SLC24A2: variants seen among roughly 807,000 people sequenced by gnomAD.
The protein encoded by SLC24A2 is solute carrier family 24 member 2.
In SLC24A2, 36 loss-of-function variants were observed where a neutral mutation model predicts 62.0. That is an observed-to-expected ratio of 0.58 (90% CI 0.44 to 0.77). SLC24A2 has a LOEUF of 0.77. SLC24A2 is among the 30% of genes least tolerant of loss of function. SLC24A2 has a pLI of 0.00. For missense variants in SLC24A2, 846 were observed against 817.9 expected, an observed-to-expected ratio of 1.03 and a Z score of -0.42; for synonymous variants, 358 against 294.0, an observed-to-expected ratio of 1.22 and a Z score of -2.23.
chr9:19,831,598 T>A, the SLC24A2 span, among the ~76,000 whole-genome samples: 228 of 152,320 alleles, frequency 1.5e-3, 2 homozygotes, highest in South Asian at 5.0e-3. Flanking sequence ...CACTGCTTCA[T>A]AGGTTTTTTA....
At chr9:20,131,048 A>G in the SLC24A2 span, among the ~76,000 whole-genome samples, 5 of 151,418 alleles carry the variant, frequency 3.3e-5, no homozygotes, top group East Asian at 5.8e-4. Context: ...GATTTCTTCT[A>G]TTTTCAAGAA....
chr9:19,758,627 G>C (rs1822219013), intron 2 of SLC24A2, among the ~76,000 whole-genome samples: 1 of 152,150 alleles, frequency 6.6e-6, no homozygotes, highest in South Asian at 2.1e-4. Context: ...TCCTTCTTTT[G>C]AAAGAACCAT....
the SLC24A2 span, among the ~76,000 whole-genome samples, chr9:20,255,665 T>C: frequency 6.6e-6 from 1 of 152,132 alleles, no homozygotes; most frequent in Non-Finnish European, 1.5e-5. Context: ...GAGTGGAAAC[T>C]AAGAAACAGC....
the SLC24A2 span, among the ~76,000 whole-genome samples, chr9:20,081,142 G>C: frequency 1.3e-5 from 2 of 152,098 alleles, no homozygotes; most frequent in Non-Finnish European, 2.9e-5. Context: ...AAACCCAAAG[G>C]ATTATAAATC....
the SLC24A2 span, among the ~76,000 whole-genome samples, chr9:20,135,426 C>G: frequency 6.6e-6 from 1 of 151,532 alleles, no homozygotes; most frequent in South Asian, 2.1e-4. Flanking sequence ...AGCCAGATGT[C>G]AGTTCCAATC....
At chr9:20,225,492 T>A in the SLC24A2 span, among the ~76,000 whole-genome samples, 17 of 138,936 alleles carry the variant, frequency 1.2e-4, no homozygotes, top group Non-Finnish European at 3.1e-5. Context: ...GTGAAAAAAT[T>A]CAACTTTATT....
chr9:20,074,635 G>A, the SLC24A2 span, among the ~76,000 whole-genome samples: 1 of 112,094 alleles, frequency 8.9e-6, no homozygotes, highest in Admixed American at 1.0e-4. Flanking sequence ...GGGAGGGAGG[G>A]ACGGGAAGGG....
the SLC24A2 span, among the ~76,000 whole-genome samples, chr9:19,984,661 A>T: frequency 6.6e-6 from 1 of 152,108 alleles, no homozygotes; most frequent in East Asian, 1.9e-4. Context: ...AGCTGAGATC[A>T]TGCCACTACA....
rs184959895 is a variant in SLC24A2 at position 19,692,061 on chromosome 9, G to C, written c.931-69762C>G. ...TTGTTACCTCCTGTCTTCAGAAAGG[G>C]CTAAAGAATGACCAAGGAGTTCACT... is the stretch of plus-strand genomic sequence containing the variant. On this transcript the variant is annotated intron_variant, in intron 2 of 10. Coordinates refer to ENST00000341998, the MANE Select transcript of SLC24A2 (RefSeq NM_020344.4). Among the ~76,000 whole-genome samples the C allele has an allele frequency of 3.7e-3, 563 of 152,246 alleles. 5 individuals are homozygous for C. The highest frequency in any genetic ancestry group is 6.0e-3 in the Non-Finnish European group (411 of 67,994).
chr9:19,533,790 T>A (rs1442400444), intron 8 of SLC24A2, among the ~76,000 whole-genome samples: 1 of 152,230 alleles, frequency 6.6e-6, no homozygotes, highest in African/African-American at 2.4e-5. Context: ...GGGTGGTATG[T>A]TACAAAGCAA....
chr9:20,019,083 G>GAA, the SLC24A2 span, among the ~76,000 whole-genome samples: 4 of 106,072 alleles, frequency 3.8e-5, no homozygotes, highest in African/African-American at 1.4e-4. Context: ...CAGAGAAAGA[G>GAA]AGAAAGAAAG....
intron 7 of SLC24A2, among the ~76,000 whole-genome samples, chr9:19,557,478 T>C (rs998495841): frequency 1.3e-5 from 2 of 152,224 alleles, no homozygotes; most frequent in Admixed American, 1.3e-4. Context: ...TTTATCTGAA[T>C]AGCTTGTTTA....
chr9:19,831,768 C>T, the SLC24A2 span, among the ~76,000 whole-genome samples: 2 of 152,178 alleles, frequency 1.3e-5, no homozygotes, highest in Non-Finnish European at 2.9e-5. Flanking sequence ...TATTTTCCTT[C>T]TGAAACAATG....
chr9:19,577,034 G>T lies in SLC24A2; in HGVS notation c.1130-12C>A. ...TTCTCTGAACCTCCCTGAAGCAAAA[G>T]AAAGTGGCAGGAAGGAGACACAATG... On this transcript the variant is annotated splice_polypyrimidine_tract_variant and intron_variant, in intron 5 of 10. Transcript: ENST00000341998. The T allele has an allele frequency of 6.2e-7, 1 of 1,607,556 alleles. No homozygotes were observed. The highest frequency in any genetic ancestry group is 8.5e-7 in the Non-Finnish European group (1 of 1,173,950).
chr9:19,833,194 G>A, the SLC24A2 span, among the ~76,000 whole-genome samples: 4 of 152,150 alleles, frequency 2.6e-5, no homozygotes, highest in East Asian at 1.9e-4. Context: ...CTGAGGTACC[G>A]GGTTCATCTC....
chr9:19,781,916 A>G (rs553884305), intron 2 of SLC24A2, among the ~76,000 whole-genome samples: 10 of 152,232 alleles, frequency 6.6e-5, no homozygotes, highest in Non-Finnish European at 1.3e-4. Flanking sequence ...AATGTTTATA[A>G]TAATTTTGTT....
At chr9:19,925,112 C>T in the SLC24A2 span, among the ~76,000 whole-genome samples, 2 of 152,180 alleles carry the variant, frequency 1.3e-5, no homozygotes, top group African/African-American at 2.4e-5. Context: ...TTATCACTCC[C>T]AGAATAACTG....
the SLC24A2 span, among the ~76,000 whole-genome samples, chr9:19,829,386 C>T: frequency 1.3e-5 from 2 of 152,112 alleles, no homozygotes; most frequent in South Asian, 2.1e-4. Flanking sequence ...AAATGATTTG[C>T]TATTGAAGAG....
In SLC24A2 at chr9:19,733,010, T is replaced by A. The variant is rs1404509575; in HGVS notation, c.930+52927A>T. On this transcript the variant is annotated intron_variant, in intron 2 of 10. Transcript: ENST00000341998. ...TCCCTTAGACCATTTCAGGCCCAAT[T>A]GCTACAGAGAAGAAAATGATACTAT... Among the ~76,000 whole-genome samples the A allele has an allele frequency of 2.0e-5, 3 of 152,066 alleles. No homozygotes were observed. The East Asian group carries it at 5.8e-4, about 29-fold the overall frequency.
Sources: gnomAD v4.1 joint callset for allele counts (sites outside exome capture counted in the v4.1 genomes callset) on GRCh38, gnomAD v4.1.1 for gene constraint, MANE v1.5 for transcripts, NCBI Gene and HGNC (gene_info 2026-07-23, HGNC 2026-07-21) for gene names.